The following INA variants were observed in gnomAD, a reference collection of about 807,000 sequenced individuals.
INA encodes alpha-internexin.
INA carries 35 observed loss-of-function variants against 40.1 expected under a neutral mutation model. That is an observed-to-expected ratio of 0.87 (90% CI 0.67 to 1.16). INA has a LOEUF of 1.16. Ranked by LOEUF, INA falls within the 50% of genes most tolerant of loss-of-function variation. The pLI, the probability that INA is intolerant of heterozygous loss-of-function variation, is 0.00. For synonymous variants in INA, 290 were observed against 316.9 expected (o/e 0.92, Z 0.90); for missense variants, 594 against 686.7 (o/e 0.87, Z 1.51).
Position 103,278,380 on chromosome 10 carries a change from G to T in INA, c.1065+104G>T, listed in dbSNP as rs1592041924. On this transcript the variant is annotated intron_variant, in intron 1 of 2. Coordinates refer to ENST00000369849, the MANE Select transcript of INA (RefSeq NM_032727.4). The surrounding 1 kb of genome is among the most constrained non-coding windows in gnomAD (Gnocchi z 4.9). ...CCCAGGACTTAAGGGGAGGGCAAAA[G>T]AGAGGAGAGAAGAGCCGCGGCTGGA... The T allele has an allele frequency of 2.1e-6, 2 of 966,862 alleles. No individual in the cohort carries two copies. Among genetic ancestry groups the T allele is most frequent in the East Asian group, 5.3e-5 (2 of 37,634 alleles). 59.9% of individuals were successfully genotyped at this position (966,862 alleles called of 1,614,324 possible). A position where few individuals can be genotyped will look rare whatever the true frequency, so the allele number is the denominator to read the frequency against.
chr10:103,286,790 G>A (rs1407763891), intron 1 of INA, among the ~76,000 whole-genome samples: 2 of 151,994 alleles, frequency 1.3e-5, no homozygotes, highest in African/African-American at 4.8e-5. Flanking sequence ...CTGGGTAAAA[G>A]TTCCCAGTCC....
intron 1 of INA, chr10:103,279,982 G>A (rs755177956): frequency 7.8e-7 from 1 of 1,287,288 alleles, no homozygotes; most frequent in South Asian, 1.2e-5. Context: ...TGGAGGGCTA[G>A]CCCAGTATTT....
At chr10:103,283,622 G>A (rs527830858) in intron 1 of INA, among the ~76,000 whole-genome samples, 17 of 151,960 alleles carry the variant, frequency 1.1e-4, no homozygotes, top group Non-Finnish European at 2.2e-4. Flanking sequence ...TTGGAAGTTT[G>A]TACCCCCTGA....
At chr10:103,284,365 A>G (rs553794563) in intron 1 of INA, among the ~76,000 whole-genome samples, 10 of 152,326 alleles carry the variant, frequency 6.6e-5, no homozygotes, top group Non-Finnish European at 1.5e-4. Flanking sequence ...CGCATTTCAC[A>G]ATAACAAATA....
In INA at chr10:103,278,960, TTCC is replaced by T. The variant is rs1325380751; in HGVS notation, c.1065+689_1065+691del. ...GATTCCCTTGTCCACCAGCTGACATTTCCTCCTTAAGAAAGCGTTCGCCGGTTG... is the reference window on the plus strand; with the variant it reads ...GATTCCCTTGTCCACCAGCTGACATTTCCTTAAGAAAGCGTTCGCCGGTTG... On this transcript the variant is annotated intron_variant, in intron 1 of 2. Transcript: ENST00000369849. The surrounding 1 kb of genome is among the most constrained non-coding windows in gnomAD (Gnocchi z 4.9). 6.9e-6 allele frequency among the ~76,000 whole-genome samples: 1 copy of T among 143,968 alleles called. No individual in the cohort carries two copies. Among genetic ancestry groups the T allele is most frequent in the Non-Finnish European group, 1.5e-5 (1 of 65,798 alleles). The allele number at this position is 143,968 out of a possible 152,430, so 94.4% of individuals were successfully genotyped here.
chr10:103,281,815 C>T (rs1199002099), intron 1 of INA, among the ~76,000 whole-genome samples: 1 of 152,236 alleles, frequency 6.6e-6, no homozygotes, highest in Non-Finnish European at 1.5e-5. Flanking sequence ...CTCCACCCGG[C>T]ATCCTTCCAG....
intron 1 of INA, among the ~76,000 whole-genome samples, chr10:103,285,042 G>T (rs2093082241): frequency 6.6e-6 from 1 of 152,032 alleles, no homozygotes. Context: ...GGAGTGCAAT[G>T]GCACGATCTC....
chr10:103,287,284 C>T, intron 2 of INA, 125 bp downstream of exon 2: 1 of 1,009,332 alleles, frequency 9.9e-7, no homozygotes, highest in Non-Finnish European at 1.4e-6. Flanking sequence ...TCACTGGCCC[C>T]TTTCAGGTGA....
At chr10:103,279,984 C>A in intron 1 of INA, 1 of 1,286,928 alleles carries the variant, frequency 7.8e-7, no homozygotes, top group South Asian at 1.2e-5. Context: ...GAGGGCTAGC[C>A]CAGTATTTCT....
chr10:103,278,149 A>G lies in INA; in HGVS notation c.938A>G (p.His313Arg). Reference protein sequence around the residue: ...EAIRASREEIHEYRRQLQART... With the variant: ...EAIRASREEIREYRRQLQART... ...ATCCGGGCCAGCCGCGAGGAGATCC[A>G]CGAGTATCGGCGCCAGCTGCAGGCG... The change falls in exon 1 of 3, where the codon CAC becomes CGC. Residue 313 changes from histidine (H) to arginine (R), a missense_variant. Transcript: ENST00000369849. The surrounding 1 kb of genome is among the most constrained non-coding windows in gnomAD (Gnocchi z 4.9). 1 of 1,612,908 alleles carries G rather than the reference A, an allele frequency of 6.2e-7. No homozygotes were observed. Among genetic ancestry groups the G allele is most frequent in the Non-Finnish European group, 8.5e-7 (1 of 1,179,844 alleles).
At chr10:103,282,077 A>G (rs903951475) in intron 1 of INA, among the ~76,000 whole-genome samples, 1 of 152,198 alleles carries the variant, frequency 6.6e-6, no homozygotes, top group Admixed American at 6.5e-5. Flanking sequence ...AGCACAAACA[A>G]AGAGACCAGA....
rs2093096648 is a variant in INA, at chr10:103,290,031, T to G, written c.*1362T>G. ...GATTCTGGACAGTCAGCTCTTCATC[T>G]GCCCAACTGTGTAGCATCTGCATTG... is the stretch of plus-strand genomic sequence containing the variant. On this transcript the variant is annotated 3_prime_UTR_variant, in exon 3 of 3. Transcript: ENST00000369849. 6.6e-6 allele frequency: 1 copy of G among 152,652 alleles called. No individual in the cohort carries two copies. 9.5% of individuals were successfully genotyped at this position (152,652 alleles called of 1,614,324 possible).
Position 103,278,322 on chromosome 10 carries a change from C to A in INA, c.1065+46C>A. On this transcript the variant is annotated intron_variant, in intron 1 of 2. Coordinates refer to ENST00000369849, the MANE Select transcript of INA (RefSeq NM_032727.4). This position sits in a 1 kb window ranked among gnomAD's most constrained non-coding sequence, Gnocchi z 4.9. ...TGGGGAGGGGTGCCCTGCCCTCTTC[C>A]GCGCGTACCCTCTTCCTCTGGTAAA... The A allele has an allele frequency of 2.2e-6, 3 of 1,392,806 alleles. No individual in the cohort carries two copies. Among genetic ancestry groups the A allele is most frequent in the East Asian group, 2.5e-5 (1 of 39,834 alleles). The allele number at this position is 1,392,806 out of a possible 1,614,324, so 86.3% of individuals were successfully genotyped here. A position where few individuals can be genotyped will look rare whatever the true frequency, so the allele number is the denominator to read the frequency against.
In INA at chr10:103,278,903, G is replaced by GCGCACACACACACACA. The variant is rs1554858925; in HGVS notation, c.1065+628_1065+629insGCACACACACACACAC. 1.5e-5 allele frequency among the ~76,000 whole-genome samples: 2 copies of GCGCACACACACACACA among 136,792 alleles called. No homozygotes were observed. Among genetic ancestry groups the GCGCACACACACACACA allele is most frequent in the Non-Finnish European group, 3.1e-5 (2 of 63,976 alleles). The allele number at this position is 136,792 out of a possible 152,430, so 89.7% of individuals were successfully genotyped here. A position where few individuals can be genotyped will look rare whatever the true frequency, so the allele number is the denominator to read the frequency against. On this transcript the variant is annotated intron_variant, in intron 1 of 2. Coordinates refer to ENST00000369849, the MANE Select transcript of INA (RefSeq NM_032727.4). The surrounding 1 kb of genome is among the most constrained non-coding windows in gnomAD (Gnocchi z 4.9). ...ACACACACGATTCCCTTGTCCACCA[G>GCGCACACACACACACA]CACACACACACACACACACACACAC...
chr10:103,277,387 C>T lies in INA; in HGVS notation c.176C>T (p.Ser59Leu), dbSNP rs2093061650. Residue 59 changes from serine (S) to leucine (L), a missense_variant, in exon 1 of 3, where the codon TCG becomes TTG. By Grantham distance (145) the Ser-to-Leu change is moderately radical (BLOSUM62 -2). Transcript: ENST00000369849. The surrounding 1 kb of genome is among the most constrained non-coding windows in gnomAD (Gnocchi z 5.6). ...ASSAACSSAS[S>L]LGLGLAYRRP... The stretch of plus-strand genomic sequence containing the variant: ...TCGGCCGCCTGCTCCTCGGCCTCGT[C>T]GCTCGGCCTCGGCCTGGCCTATCGC... 17 of 1,560,856 alleles carry T rather than the reference C, an allele frequency of 1.1e-5. No individual in the cohort carries two copies. Among genetic ancestry groups the T allele is most frequent in the African/African-American group, 1.4e-5 (1 of 70,508 alleles).
At position 103,277,478 on chromosome 10, in the gene INA, C is replaced by A; in HGVS notation, c.267C>A (p.Ile89=). 6.3e-7 allele frequency: 1 copy of A among 1,589,468 alleles called. No individual in the cohort carries two copies. The highest frequency in any genetic ancestry group is 8.5e-7 in the Non-Finnish European group (1 of 1,171,194). ...QAAARTNEYK[I]IRTNEKEQLQ... The stretch of plus-strand genomic sequence containing the variant: ...CGGCGCGCACCAACGAGTACAAGAT[C>A]ATCCGCACCAACGAGAAGGAGCAGC... The change falls in exon 1 of 3, where the codon ATC becomes ATA. Residue 89 remains isoleucine, a synonymous_variant. Transcript: ENST00000369849. The surrounding 1 kb of genome is among the most constrained non-coding windows in gnomAD (Gnocchi z 5.6).
At chr10:103,284,469 G>T (rs1160364646) in intron 1 of INA, among the ~76,000 whole-genome samples, 1 of 152,140 alleles carries the variant, frequency 6.6e-6, no homozygotes, top group African/African-American at 2.4e-5. Context: ...CCAGTAAATT[G>T]CCGGGGCCGG....
At chr10:103,283,863 A>C (rs1274688804) in intron 1 of INA, among the ~76,000 whole-genome samples, 1 of 145,560 alleles carries the variant, frequency 6.9e-6, no homozygotes, top group Non-Finnish European at 1.5e-5. Context: ...TGATTCTCCT[A>C]CCTCAGCCTC....
intron 1 of INA, among the ~76,000 whole-genome samples, chr10:103,279,739 GT>G (rs1322466192): frequency 6.6e-6 from 1 of 152,154 alleles, no homozygotes; most frequent in African/African-American, 2.4e-5. Flanking sequence ...GGTATTTGCT[GT>G]TTGTTACAAT....
Sources: gnomAD v4.1 joint callset for allele counts (sites outside exome capture counted in the v4.1 genomes callset) on GRCh38, gnomAD v4.1.1 for gene constraint, Gnocchi (gnomAD v3.1) non-coding constraint, MANE v1.5 for transcripts, NCBI Gene and HGNC (gene_info 2026-07-23, HGNC 2026-07-21) for gene names.